TNRC6C: variants seen among roughly 807,000 people sequenced by gnomAD.
TNRC6C encodes trinucleotide repeat-containing gene 6C protein.
In TNRC6C, 20 loss-of-function variants were observed where a neutral mutation model predicts 153.7. That is an observed-to-expected ratio of 0.13 (90% CI 0.09 to 0.19). TNRC6C has a LOEUF of 0.19. Among genes scored for constraint, TNRC6C ranks in the 10% least tolerant of loss-of-function variants. The probability of loss-of-function intolerance (pLI) is 1.00; values close to 1 mark genes in which losing one functional copy is unlikely to be tolerated. For synonymous variants in TNRC6C, 811 were observed against 841.4 expected (o/e 0.96, Z 0.63); for missense variants, 1,987 against 2,172.0 (o/e 0.91, Z 1.69).
intron 1 of TNRC6C, among the ~76,000 whole-genome samples, chr17:78,029,185 C>T (rs1264933913): frequency 2.6e-5 from 4 of 152,244 alleles, no homozygotes; most frequent in African/African-American, 9.6e-5. Context: ...GGCAGTGCTA[C>T]AGACGCCAAA....
chr17:78,032,386 A>G (rs1008264903), intron 2 of TNRC6C, among the ~76,000 whole-genome samples: 2 of 152,070 alleles, frequency 1.3e-5, no homozygotes, highest in African/African-American at 4.8e-5. Flanking sequence ...AAAAATCACC[A>G]CTTGTTTATT....
chr17:77,969,177 A>G (rs931083155), intron 1 of TNRC6C, among the ~76,000 whole-genome samples: 4 of 152,106 alleles, frequency 2.6e-5, no homozygotes, highest in African/African-American at 9.7e-5. Flanking sequence ...ACCTAATTCC[A>G]TTGGCTGTGC....
Position 77,979,475 on chromosome 17 carries a change from T to C in TNRC6C, c.-38+20207T>C, listed in dbSNP as rs182506015. Reference sequence around the variant, plus strand: ...AGGAGGGTTTAATAGTATTCTTAGCTGAAGAAAAAATTAGTAAACTAGAAG... The same window carrying C: ...AGGAGGGTTTAATAGTATTCTTAGCCGAAGAAAAAATTAGTAAACTAGAAG... On this transcript the variant is annotated intron_variant, in intron 1 of 22. Transcript: ENST00000636222. Among the ~76,000 whole-genome samples, 482 of 152,174 alleles carry C rather than the reference T, an allele frequency of 3.2e-3. 2 individuals carry two copies. The highest frequency in any genetic ancestry group is 0.011 in the African/African-American group (441 of 41,524).
intron 16 of TNRC6C, among the ~76,000 whole-genome samples, chr17:78,094,951 G>A (rs1167167246): frequency 2.6e-5 from 4 of 152,352 alleles, no homozygotes; most frequent in South Asian, 4.1e-4. Flanking sequence ...AAGGAGCCGT[G>A]TAAGATGGCA....
In TNRC6C at chr17:78,049,104, CAAG is replaced by C. The variant is rs1567934946; in HGVS notation, c.47_49del (p.Lys16del). ...CCCAGGGCAACTTCACTGGACATACCAAGAAGACAAATGGCAATAATGGCACCA... is the reference window on the plus strand; with the variant it reads ...CCCAGGGCAACTTCACTGGACATACCAAGACAAATGGCAATAATGGCACCA... On this transcript the variant is annotated inframe_deletion, in exon 3 of 20. Transcript: ENST00000301624. This position sits in a 1 kb window ranked among gnomAD's most constrained non-coding sequence, Gnocchi z 4.1. 12 of 1,577,912 alleles carry C rather than the reference CAAG, an allele frequency of 7.6e-6. No homozygotes were observed. Among genetic ancestry groups the C allele is most frequent in the Non-Finnish European group, 1.0e-5 (12 of 1,161,444 alleles).
chr17:77,998,823 GGA>G (rs1280411931), intron 1 of TNRC6C, among the ~76,000 whole-genome samples: 2 of 152,184 alleles, frequency 1.3e-5, no homozygotes, highest in African/African-American at 4.8e-5. Flanking sequence ...CTTTGTATGA[GGA>G]GATATTTTGG....
At chr17:77,958,180 G>A (rs1398960886), upstream of TNRC6C, among the ~76,000 whole-genome samples, 1 of 151,988 alleles carries the variant, frequency 6.6e-6, no homozygotes, top group African/African-American at 2.4e-5. Flanking sequence ...GCCGCCGGGC[G>A]CAATTACAGC....
intron 4 of TNRC6C, among the ~76,000 whole-genome samples, 166 bp downstream of exon 6, chr17:78,065,103 C>G (rs2072847478): frequency 6.6e-6 from 1 of 152,172 alleles, no homozygotes; most frequent in South Asian, 2.1e-4. Flanking sequence ...AATCCCAGCA[C>G]TTTGGGAGTC....
intron 1 of TNRC6C, among the ~76,000 whole-genome samples, chr17:77,968,349 T>A (rs1009195770): frequency 5.5e-5 from 8 of 146,254 alleles, no homozygotes; most frequent in Non-Finnish European, 1.0e-4. Context: ...AGTGGGTTGT[T>A]GTTGTTGTTT....
chr17:77,967,077 T>C (rs528067146), intron 1 of TNRC6C, among the ~76,000 whole-genome samples: 3 of 152,210 alleles, frequency 2.0e-5, no homozygotes, highest in Non-Finnish European at 4.4e-5. Context: ...CAGATAAAAA[T>C]ATTTTTTATT....
intron 3 of TNRC6C, among the ~76,000 whole-genome samples, chr17:78,055,009 C>T (rs1567941453): frequency 6.6e-6 from 1 of 152,182 alleles, no homozygotes; most frequent in African/African-American, 2.4e-5. Flanking sequence ...CTACTGTACA[C>T]CACTGCAAAG....
intron 2 of TNRC6C, among the ~76,000 whole-genome samples, chr17:78,036,508 A>G (rs1353041280): frequency 6.6e-6 from 1 of 152,258 alleles, no homozygotes; most frequent in African/African-American, 2.4e-5. Flanking sequence ...ATAGAGGAGC[A>G]GAAATGGGAA....
In TNRC6C at chr17:78,049,040, A is replaced by C; in HGVS notation, c.-23A>C. The C allele has an allele frequency of 1.3e-6, 2 of 1,494,130 alleles. No homozygotes were observed. Among genetic ancestry groups the C allele is most frequent in the Non-Finnish European group, 1.8e-6 (2 of 1,122,214 alleles). The allele number at this position is 1,494,130 out of a possible 1,614,324, so 92.6% of individuals were successfully genotyped here. On this transcript the variant is annotated 5_prime_UTR_variant, in exon 3 of 20. Transcript: ENST00000301624. This position sits in a 1 kb window ranked among gnomAD's most constrained non-coding sequence, Gnocchi z 4.1. ...ACTACAGACACTGACTCTGCCTCCA[A>C]CTGTGGCTCAGAGAACAGTAGCATG...
chr17:78,031,989 T>G, intron 2 of TNRC6C, 147 bp downstream of exon 4: 1 of 712,516 alleles, frequency 1.4e-6, no homozygotes, highest in Non-Finnish European at 1.9e-6. Flanking sequence ...TTAAGTGGGT[T>G]TTAAAATTTA....
At chr17:78,044,789 A>G (rs985345071) in intron 2 of TNRC6C, among the ~76,000 whole-genome samples, 1 of 152,234 alleles carries the variant, frequency 6.6e-6, no homozygotes, top group Admixed American at 6.5e-5. Context: ...CATTTTGGCT[A>G]TTAGGCCCTT....
chr17:78,052,315 C>G (rs2072553608), intron 3 of TNRC6C, among the ~76,000 whole-genome samples: 2 of 152,032 alleles, frequency 1.3e-5, no homozygotes, highest in South Asian at 4.1e-4. Flanking sequence ...TGACTGGGGC[C>G]CCTGGAGGGT....
chr17:78,005,352 G>A (rs1372785245), intron 1 of TNRC6C, among the ~76,000 whole-genome samples: 3 of 152,062 alleles, frequency 2.0e-5, no homozygotes, highest in East Asian at 3.8e-4. Flanking sequence ...CACCAAACAG[G>A]ATCGAACTGA....
At chr17:77,981,922 T>C (rs2071084004) in intron 1 of TNRC6C, among the ~76,000 whole-genome samples, 1 of 152,166 alleles carries the variant, frequency 6.6e-6, no homozygotes, top group African/African-American at 2.4e-5. Context: ...GGACTGAGTG[T>C]GTGTGTTCCC....
chr17:78,086,507 A>G (rs1416373389), exon 12 of TNRC6C: 8 of 1,613,882 alleles, frequency 5.0e-6, no homozygotes, highest in Non-Finnish European at 6.8e-6. Context: ...CAACAGGCAT[A>G]CCAACGTTTA....
Sources: gnomAD v4.1 joint callset for allele counts (sites outside exome capture counted in the v4.1 genomes callset) on GRCh38, gnomAD v4.1.1 for gene constraint, Gnocchi (gnomAD v3.1) non-coding constraint, MANE v1.5 for transcripts, NCBI Gene and HGNC (gene_info 2026-07-23, HGNC 2026-07-21) for gene names.